MOV10L1: variants seen among roughly 807,000 people sequenced by gnomAD.
The protein encoded by MOV10L1 is RNA helicase Mov10l1.
In MOV10L1, 110 loss-of-function variants were observed where a neutral mutation model predicts 143.8. The ratio of observed to expected loss-of-function variants is 0.76; its 90% confidence interval spans 0.66 to 0.90. The LOEUF (loss-of-function observed/expected upper bound fraction) is 0.90. Among genes scored for constraint, MOV10L1 ranks in the 40% least tolerant of loss-of-function variants. The pLI is 0.00. For synonymous variants in MOV10L1, 593 were observed against 581.1 expected, an observed-to-expected ratio of 1.02 and a Z score of -0.29; for missense variants, 1,406 against 1,526.8, an observed-to-expected ratio of 0.92 and a Z score of 1.32.
chr22:50,160,249 CTT>C (rs1483589644), intron 24 of MOV10L1, among the ~76,000 whole-genome samples: 1 of 93,184 alleles, frequency 1.1e-5, no homozygotes, highest in Non-Finnish European at 2.2e-5. Flanking sequence ...TTCTTTTTTT[CTT>C]TCTTTTTTTT....
chr22:50,099,745 G>A (rs9617023), intron 3 of MOV10L1, 143 bp downstream of exon 3: 223,809 of 942,280 alleles, frequency 0.24, 28,023 homozygotes, highest in Admixed American at 0.37. Context: ...CCCAGGAGTT[G>A]GAGGCTGCAG....
intron 2 of MOV10L1, chr22:50,096,405 G>C (rs2062590171): frequency 6.6e-6 from 1 of 152,170 alleles, no homozygotes; most frequent in Non-Finnish European, 1.5e-5. Context: ...ATGGACACTT[G>C]GGTTGTTTCT....
chr22:50,130,578 G>T (rs1453778996), intron 13 of MOV10L1, among the ~76,000 whole-genome samples: 1 of 92,044 alleles, frequency 1.1e-5, no homozygotes, highest in African/African-American at 3.4e-5. Context: ...AGGACCAGGA[G>T]GGGGGTACTT....
At chr22:50,101,033 A>C (rs972477917) in intron 3 of MOV10L1, among the ~76,000 whole-genome samples, 3 of 152,070 alleles carry the variant, frequency 2.0e-5, no homozygotes, top group African/African-American at 7.2e-5. Context: ...CAGGAATTGG[A>C]AAAGCTGCCT....
intron 4 of MOV10L1, 33 bp downstream of exon 4, chr22:50,108,281 T>C: frequency 6.3e-7 from 1 of 1,574,912 alleles, no homozygotes; most frequent in Non-Finnish European, 8.7e-7. Context: ...CTCTCTGTGC[T>C]TCTGGCAGAC....
intron 1 of MOV10L1, chr22:50,090,512 GGT>G (rs1569260180): frequency 3.1e-6 from 5 of 1,608,494 alleles, no homozygotes; most frequent in Non-Finnish European, 4.2e-6. Flanking sequence ...CATTGGCGGT[GGT>G]GTGTCTAGAA....
intron 10 of MOV10L1, among the ~76,000 whole-genome samples, chr22:50,123,264 C>G (rs1257370952): frequency 6.7e-6 from 1 of 148,628 alleles, no homozygotes. Context: ...ATTTTTTTTC[C>G]TTCTGTTAAT....
chr22:50,133,090 T>C (rs1049702007), intron 13 of MOV10L1, among the ~76,000 whole-genome samples: 2 of 151,706 alleles, frequency 1.3e-5, no homozygotes, highest in Admixed American at 1.3e-4. Context: ...GGATGCTGTG[T>C]ATTTGTTTTC....
Position 50,108,777 on chromosome 22 carries a change from G to A in MOV10L1, c.676G>A (p.Val226Met). 6.2e-7 allele frequency: 1 copy of A among 1,614,242 alleles called. No homozygotes were observed. Among genetic ancestry groups the A allele is most frequent in the Non-Finnish European group, 8.5e-7 (1 of 1,180,044 alleles). Reference protein sequence around the residue: ...TPRRGDVVNAVVVESSQSCYV... With the variant: ...TPRRGDVVNAMVVESSQSCYV... The stretch of plus-strand genomic sequence containing the variant: ...CCGGAGAGGTGACGTGGTCAATGCA[G>A]TGGTGGTGGAGAGCAGCCAGTCATG... The change falls in exon 5 of 27, where the codon GTG becomes ATG. Residue 226 changes from valine to methionine, a missense_variant. This residue lies in a region of MOV10L1 where 1,233 missense variants were observed against 1,351.4 expected (regional missense o/e 0.91). Transcript: ENST00000262794.
chr22:50,093,329 G>A (rs1602103767), intron 2 of MOV10L1: 1 of 152,182 alleles, frequency 6.6e-6, no homozygotes. Context: ...ATATGAAAGT[G>A]TTAGGAATAT....
At chr22:50,128,735 G>A (rs903762022) in intron 13 of MOV10L1, among the ~76,000 whole-genome samples, 3 of 151,800 alleles carry the variant, frequency 2.0e-5, no homozygotes, top group African/African-American at 7.3e-5. Context: ...AGTAGAGGCA[G>A]TGTTTCACCA....
intron 22 of MOV10L1, among the ~76,000 whole-genome samples, chr22:50,154,793 T>G (rs1037047733): frequency 1.3e-5 from 2 of 152,244 alleles, no homozygotes; most frequent in African/African-American, 4.8e-5. Flanking sequence ...CTGCTTTATC[T>G]TCCTCATTAT....
At chr22:50,115,526 C>G (rs1474148857) in intron 8 of MOV10L1, among the ~76,000 whole-genome samples, 2 of 152,176 alleles carry the variant, frequency 1.3e-5, no homozygotes, top group East Asian at 3.8e-4. Flanking sequence ...GCACTCCAGC[C>G]TGAGACGGAG....
At chr22:50,145,361 G>T (rs925421096) in intron 18 of MOV10L1, among the ~76,000 whole-genome samples, 9 of 152,332 alleles carry the variant, frequency 5.9e-5, no homozygotes, top group African/African-American at 2.2e-4. Flanking sequence ...GGCAGAGGTT[G>T]CAGTGAGCCG....
At position 50,090,017 on chromosome 22, in the gene MOV10L1, G is replaced by C. The variant is rs1602087988; in HGVS notation, c.-72G>C. On this transcript the variant is annotated 5_prime_UTR_variant, in exon 1 of 27. Coordinates refer to ENST00000262794, the MANE Select transcript of MOV10L1 (RefSeq NM_018995.3). ...GGCGCGGCGACCCCATTGGTGGCGG[G>C]CGGCGGGAGCGGCGCGGGCGCGTGC... 8.9e-7 allele frequency: 1 copy of C among 1,121,150 alleles called. No homozygotes were observed. Among genetic ancestry groups the C allele is most frequent in the Non-Finnish European group, 1.1e-6 (1 of 912,022 alleles). The allele number at this position is 1,121,150 out of a possible 1,614,324, so 69.5% of individuals were successfully genotyped here.
In MOV10L1 at chr22:50,108,411, C is replaced by G. The variant is rs187650127; in HGVS notation, c.555+163C>G. 467 of 802,120 alleles carry G rather than the reference C, an allele frequency of 5.8e-4. 8 individuals are homozygous for G. In the South Asian group the frequency reaches 6.5e-3, roughly 11 times the overall value. The allele number at this position is 802,120 out of a possible 1,614,324, so 49.7% of individuals were successfully genotyped here. A position where few individuals can be genotyped will look rare whatever the true frequency, so the allele number is the denominator to read the frequency against. On this transcript the variant is annotated intron_variant, in intron 4 of 26. Transcript: ENST00000262794. ...TTTTCCTATTGACAATGCTGTGTTT[C>G]GTTTGGAAACAATAACTCCTAGTGC...
intron 13 of MOV10L1, among the ~76,000 whole-genome samples, chr22:50,133,626 T>C (rs1468011245): frequency 6.6e-6 from 1 of 151,984 alleles, no homozygotes; most frequent in Non-Finnish European, 1.5e-5. Context: ...CTGCAACCTC[T>C]GCCTCCCAGG....
rs187395088 is a variant in MOV10L1 at position 50,108,929 on chromosome 22, G to A, written c.743+85G>A. On this transcript the variant is annotated intron_variant, in intron 5 of 26. Coordinates refer to ENST00000262794, the MANE Select transcript of MOV10L1 (RefSeq NM_018995.3). ...GGAGGCTGAGGCAGACGGATCACCT[G>A]AGGTTGGGAGTTCAAGACCAGCCTG... 443 of 1,350,708 alleles carry A rather than the reference G, an allele frequency of 3.3e-4. No homozygotes were observed. The African/African-American group carries it at 4.7e-3, about 14-fold the overall frequency. 83.7% of individuals were successfully genotyped at this position (1,350,708 alleles called of 1,614,324 possible).
intron 3 of MOV10L1, among the ~76,000 whole-genome samples, chr22:50,105,278 G>A (rs2061840359): frequency 6.6e-6 from 1 of 152,134 alleles, no homozygotes; most frequent in Non-Finnish European, 1.5e-5. Context: ...GCCCATAAGT[G>A]TTCAAACATT....
Sources: gnomAD v4.1 joint callset for allele counts (sites outside exome capture counted in the v4.1 genomes callset) on GRCh38, gnomAD v4.1.1 for gene constraint, gnomAD v4.1.1 regional missense constraint, MANE v1.5 for transcripts, NCBI Gene and HGNC (gene_info 2026-07-23, HGNC 2026-07-21) for gene names.